The following MAGI2 variants were observed in gnomAD, a reference collection of about 807,000 sequenced individuals.
MAGI2 encodes the protein membrane-associated guanylate kinase, WW and PDZ domain-containing protein 2.
In MAGI2, 35 loss-of-function variants were observed where a neutral mutation model predicts 133.3. That is an observed-to-expected ratio of 0.26 (90% CI 0.20 to 0.35). The LOEUF (loss-of-function observed/expected upper bound fraction) is 0.35. Ranked by LOEUF, MAGI2 falls within the 10% of genes least tolerant of loss-of-function variation. MAGI2 has a pLI of 1.00. For missense variants in MAGI2, 1,636 were observed against 1,863.4 expected (o/e 0.88, Z 2.25); for synonymous variants, 729 against 710.6 (o/e 1.03, Z -0.41).
At chr7:78,589,626 G>C (rs1803784601) in intron 3 of MAGI2, among the ~76,000 whole-genome samples, 2 of 136,510 alleles carry the variant, frequency 1.5e-5, no homozygotes, top group African/African-American at 5.5e-5. Flanking sequence ...AAGATACCAG[G>C]TGTGATCTAC....
intron 2 of MAGI2, among the ~76,000 whole-genome samples, chr7:78,700,040 T>C (rs1817907887): frequency 6.6e-6 from 1 of 152,164 alleles, no homozygotes; most frequent in Admixed American, 6.5e-5. Context: ...TAAAATTATT[T>C]TATTTATCTA....
chr7:78,238,218 T>C (rs1385940521), intron 10 of MAGI2, among the ~76,000 whole-genome samples: 1 of 152,146 alleles, frequency 6.6e-6, no homozygotes, highest in Admixed American at 6.6e-5. Flanking sequence ...GATGTTCTTA[T>C]TCAGTCCCCA....
chr7:78,967,256 T>G (rs1054369347), intron 2 of MAGI2, among the ~76,000 whole-genome samples: 2 of 152,110 alleles, frequency 1.3e-5, no homozygotes, highest in Non-Finnish European at 2.9e-5. Flanking sequence ...TGTCTTTTTT[T>G]GAGAAATGCC....
intron 9 of MAGI2, among the ~76,000 whole-genome samples, chr7:78,342,084 A>C (rs1374276061): frequency 6.6e-6 from 1 of 152,194 alleles, no homozygotes; most frequent in African/African-American, 2.4e-5. Context: ...TAATATCCAG[A>C]ATCTACAAAG....
chr7:78,699,425 C>G (rs1817841143), intron 2 of MAGI2, among the ~76,000 whole-genome samples: 1 of 152,106 alleles, frequency 6.6e-6, no homozygotes. Context: ...ATGCACAAAA[C>G]TATTTAAAAT....
intron 1 of MAGI2, among the ~76,000 whole-genome samples, chr7:79,380,977 A>G (rs949902674): frequency 6.6e-6 from 1 of 151,716 alleles, no homozygotes; most frequent in African/African-American, 2.4e-5. Flanking sequence ...CTCTTTTTCA[A>G]AAAAACTGAT....
intron 1 of MAGI2, among the ~76,000 whole-genome samples, chr7:79,371,235 C>G (rs1303314895): frequency 6.6e-6 from 1 of 152,014 alleles, no homozygotes; most frequent in Non-Finnish European, 1.5e-5. Context: ...AAAAAACTAT[C>G]TTAACATCTC....
chr7:79,183,749 T>C (rs1390295208), intron 1 of MAGI2, among the ~76,000 whole-genome samples: 1 of 151,832 alleles, frequency 6.6e-6, no homozygotes, highest in Non-Finnish European at 1.5e-5. Context: ...TGTCCATCAG[T>C]AGATAAATAG....
intron 2 of MAGI2, among the ~76,000 whole-genome samples, chr7:79,000,522 A>G (rs1478633603): frequency 6.6e-6 from 1 of 152,148 alleles, no homozygotes; most frequent in African/African-American, 2.4e-5. Flanking sequence ...TATGTGGCCA[A>G]CGAGCCTCAC....
chr7:78,868,559 C>G (rs569117086), intron 2 of MAGI2, among the ~76,000 whole-genome samples: 1 of 152,032 alleles, frequency 6.6e-6, no homozygotes, highest in African/African-American at 2.4e-5. Flanking sequence ...TAATATAAAA[C>G]CTTTTAAAGG....
At chr7:78,579,070 T>G (rs1460035564) in intron 3 of MAGI2, among the ~76,000 whole-genome samples, 1 of 152,180 alleles carries the variant, frequency 6.6e-6, no homozygotes, top group African/African-American at 2.4e-5. Flanking sequence ...TTTCCTCAGG[T>G]ACAGCCACAA....
chr7:79,205,347 A>G (rs1483803910), intron 1 of MAGI2, among the ~76,000 whole-genome samples: 1 of 151,942 alleles, frequency 6.6e-6, no homozygotes, highest in Admixed American at 6.6e-5. Flanking sequence ...CTGAACATCA[A>G]ATTGCTGAAA....
intron 9 of MAGI2, among the ~76,000 whole-genome samples, chr7:78,321,364 A>C (rs191806571): frequency 2.8e-4 from 42 of 152,348 alleles, no homozygotes; most frequent in African/African-American, 9.4e-4. Context: ...ACCTGACTTC[A>C]AACTATACTA....
At chr7:78,111,565 A>G (rs1051806828) in intron 20 of MAGI2, among the ~76,000 whole-genome samples, 1 of 152,174 alleles carries the variant, frequency 6.6e-6, no homozygotes, top group African/African-American at 2.4e-5. Flanking sequence ...GGAGCTCCCC[A>G]TGGCTCTCTT....
intron 2 of MAGI2, among the ~76,000 whole-genome samples, chr7:78,980,923 T>G (rs1804729518): frequency 6.6e-6 from 1 of 151,798 alleles, no homozygotes; most frequent in Admixed American, 6.6e-5. Flanking sequence ...GTGTATAGAA[T>G]TCTCAGCAGG....
intron 1 of MAGI2, among the ~76,000 whole-genome samples, chr7:79,318,542 C>T (rs968059686): frequency 6.6e-6 from 1 of 152,048 alleles, no homozygotes; most frequent in African/African-American, 2.4e-5. Context: ...ATACTACCAT[C>T]CAAGGAATGT....
chr7:78,108,718 ATGTG>A (rs66797682), intron 20 of MAGI2, among the ~76,000 whole-genome samples: 14 of 128,200 alleles, frequency 1.1e-4, no homozygotes. Flanking sequence ...GAGTGTATAT[ATGTG>A]TGTGTATACA....
At chr7:78,499,934 A>C (rs543505231) in intron 5 of MAGI2, among the ~76,000 whole-genome samples, 2 of 152,338 alleles carry the variant, frequency 1.3e-5, no homozygotes, top group South Asian at 4.1e-4. Context: ...TATTTTTAAT[A>C]GGTCACTTTT....
intron 1 of MAGI2, among the ~76,000 whole-genome samples, chr7:79,142,297 C>T (rs1255175879): frequency 2.0e-5 from 3 of 152,012 alleles, no homozygotes; most frequent in East Asian, 3.9e-4. Context: ...TACAATATCC[C>T]CTCTAATTAA....
Sources: allele counts gnomAD v4.1 joint callset (sites outside exome capture counted in the v4.1 genomes callset), GRCh38; gene constraint gnomAD v4.1.1; transcripts MANE v1.5; gene names NCBI Gene and HGNC (gene_info 2026-07-23, HGNC 2026-07-21).